The following NPSR1 variants were observed in gnomAD, a reference collection of about 807,000 sequenced individuals.
NPSR1 encodes the protein neuropeptide S receptor 1.
A neutral mutation model predicts 46.9 loss-of-function variants in NPSR1; 48 were observed. That is an observed-to-expected ratio of 1.02 (90% CI 0.81 to 1.30). The LOEUF (loss-of-function observed/expected upper bound fraction) is 1.30, where lower values mean the gene tolerates loss of function less well. Ranked by LOEUF, NPSR1 falls within the 50% of genes most tolerant of loss-of-function variation. The probability of loss-of-function intolerance (pLI) is 0.00; values close to 1 mark genes in which losing one functional copy is unlikely to be tolerated. For synonymous variants in NPSR1, 176 were observed against 168.1 expected (o/e 1.05, Z -0.36); for missense variants, 450 against 449.5 (o/e 1.00, Z -0.01).
At chr7:34,862,313 A>G (rs1791208430) in intron 8 of NPSR1, among the ~76,000 whole-genome samples, 1 of 151,640 alleles carries the variant, frequency 6.6e-6, no homozygotes, top group Admixed American at 6.6e-5. Context: ...TCCAGGCACT[A>G]TTTGTCCTCA....
chr7:34,751,649 G>A (rs1452455861), intron 2 of NPSR1: 6 of 1,596,780 alleles, frequency 3.8e-6, no homozygotes, highest in African/African-American at 2.7e-5. Context: ...ACCAGCTGCT[G>A]CAGAGCCACA....
At chr7:34,769,434 C>T (rs989819523) in intron 2 of NPSR1, among the ~76,000 whole-genome samples, 1 of 152,146 alleles carries the variant, frequency 6.6e-6, no homozygotes, top group Non-Finnish European at 1.5e-5. Context: ...ACAACTCTCA[C>T]AGTATAAAAA....
chr7:34,750,324 A>T (rs1384731556), intron 2 of NPSR1: 1 of 708,610 alleles, frequency 1.4e-6, no homozygotes, highest in Non-Finnish European at 2.7e-6. Flanking sequence ...TCTGTCATCT[A>T]GGCTAAAAAA....
At chr7:34,816,115 C>T (rs919711567) in intron 4 of NPSR1, among the ~76,000 whole-genome samples, 1 of 151,088 alleles carries the variant, frequency 6.6e-6, no homozygotes, top group South Asian at 2.1e-4. Flanking sequence ...AAAAGACACA[C>T]ACTGGCAAAT....
chr7:34,709,699 G>A (rs1311313651), intron 2 of NPSR1, among the ~76,000 whole-genome samples: 2 of 152,082 alleles, frequency 1.3e-5, no homozygotes, highest in Non-Finnish European at 2.9e-5. Flanking sequence ...CTCACTATAA[G>A]ACAGGGATCT....
chr7:34,669,516 C>T (rs1305984021), intron 1 of NPSR1, among the ~76,000 whole-genome samples: 1 of 151,626 alleles, frequency 6.6e-6, no homozygotes, highest in East Asian at 1.9e-4. Flanking sequence ...ATGCAGTGAG[C>T]CAAGATCACA....
chr7:34,766,152 A>G (rs1279156549), intron 2 of NPSR1, among the ~76,000 whole-genome samples: 2 of 152,266 alleles, frequency 1.3e-5, no homozygotes, highest in Admixed American at 1.3e-4. Context: ...ATGAAATATC[A>G]CTACATATCT....
chr7:34,789,740 C>CAAAAAAAAA (rs751424409), intron 3 of NPSR1, among the ~76,000 whole-genome samples: 13 of 45,340 alleles, frequency 2.9e-4, no homozygotes, highest in South Asian at 9.1e-4. Flanking sequence ...TTGCAGTGCG[C>CAAAAAAAAA]AAAAAAAAAA....
intron 3 of NPSR1, among the ~76,000 whole-genome samples, chr7:34,797,247 A>G (rs1004946921): frequency 6.6e-6 from 1 of 152,226 alleles, no homozygotes; most frequent in Non-Finnish European, 1.5e-5. Context: ...GTACTATACT[A>G]TAACAGTGGA....
intron 6 of NPSR1, among the ~76,000 whole-genome samples, chr7:34,844,435 C>A (rs748541309): frequency 1.3e-5 from 2 of 151,742 alleles, no homozygotes; most frequent in Non-Finnish European, 2.9e-5. Context: ...TTCTTGAGAG[C>A]GTTTTTTTGT....
chr7:34,724,509 C>T (rs1022683069), intron 2 of NPSR1, among the ~76,000 whole-genome samples: 7 of 152,184 alleles, frequency 4.6e-5, no homozygotes, highest in Non-Finnish European at 1.0e-4. Context: ...AGCCTGATTC[C>T]TAGATCTGAG....
At chr7:34,764,860 A>AC (rs1449519648) in intron 2 of NPSR1, among the ~76,000 whole-genome samples, 3 of 152,026 alleles carry the variant, frequency 2.0e-5, no homozygotes, top group African/African-American at 4.8e-5. Context: ...AGAATACCCC[A>AC]CCCCTAAGGC....
At chr7:34,778,084 A>G (rs962215399) in intron 2 of NPSR1, among the ~76,000 whole-genome samples, 1 of 152,170 alleles carries the variant, frequency 6.6e-6, no homozygotes, top group African/African-American at 2.4e-5. Flanking sequence ...AGTATTCTCC[A>G]AAGATAACGA....
At chr7:34,839,589 G>A (rs542500286) in intron 6 of NPSR1, among the ~76,000 whole-genome samples, 59 of 152,280 alleles carry the variant, frequency 3.9e-4, no homozygotes, top group African/African-American at 1.4e-3. Flanking sequence ...CTTTAGAAGG[G>A]AAACACTAGC....
intron 2 of NPSR1, among the ~76,000 whole-genome samples, chr7:34,703,395 T>G (rs1199162121): frequency 2.2e-5 from 3 of 135,266 alleles, no homozygotes; most frequent in African/African-American, 8.8e-5. Flanking sequence ...AATAAATAAA[T>G]AAATAAATAA....
chr7:34,795,311 T>C (rs1420464323), intron 3 of NPSR1, among the ~76,000 whole-genome samples: 5 of 152,158 alleles, frequency 3.3e-5, no homozygotes, highest in Non-Finnish European at 5.9e-5. Flanking sequence ...TCATCTGACA[T>C]CTTATTTAAT....
chr7:34,836,526 T>C (rs764354522), intron 6 of NPSR1, among the ~76,000 whole-genome samples: 1 of 152,040 alleles, frequency 6.6e-6, no homozygotes, highest in Admixed American at 6.6e-5. Flanking sequence ...TAGATTGTTG[T>C]ATCATATGCT....
At chr7:34,725,045 C>G (rs372008960) in intron 2 of NPSR1, among the ~76,000 whole-genome samples, 2 of 150,676 alleles carry the variant, frequency 1.3e-5, no homozygotes, top group African/African-American at 4.9e-5. Context: ...GGAAAAGGAG[C>G]AAAAAAGGAA....
At chr7:34,709,326 A>G (rs1794270156) in intron 2 of NPSR1, among the ~76,000 whole-genome samples, 1 of 152,088 alleles carries the variant, frequency 6.6e-6, no homozygotes, top group South Asian at 2.1e-4. Context: ...TCTTAACATT[A>G]ATAATTATTA....
Sources: allele counts gnomAD v4.1 joint callset (sites outside exome capture counted in the v4.1 genomes callset), GRCh38; gene constraint gnomAD v4.1.1; transcripts MANE v1.5; gene names NCBI Gene and HGNC (gene_info 2026-07-23, HGNC 2026-07-21).